TAF3: variants seen among roughly 807,000 people sequenced by gnomAD.
TAF3 encodes transcription initiation factor TFIID subunit 3.
In TAF3, 7 loss-of-function variants were observed where a neutral mutation model predicts 80.6. The observed-to-expected ratio is 0.09, with a 90% CI of 0.05 to 0.16. The LOEUF (loss-of-function observed/expected upper bound fraction) is 0.16. Among genes scored for constraint, TAF3 ranks in the 10% least tolerant of loss-of-function variants. The pLI is 1.00. For missense variants in TAF3, 921 were observed against 1,140.2 expected, an observed-to-expected ratio of 0.81 and a Z score of 2.77; for synonymous variants, 444 against 446.1, an observed-to-expected ratio of 1.00 and a Z score of 0.06.
chr10:7,922,586 G>T (rs2026397), intron 2 of TAF3, among the ~76,000 whole-genome samples: 83,654 of 151,838 alleles, frequency 0.55, 24,366 homozygotes, highest in East Asian at 0.71. Context: ...GACATGTTGA[G>T]ATGACTGCCT....
chr10:7,942,738 C>T (rs1287245264), intron 2 of TAF3, among the ~76,000 whole-genome samples: 5 of 152,072 alleles, frequency 3.3e-5, no homozygotes, highest in South Asian at 2.1e-4. Flanking sequence ...GCAGCCGAGG[C>T]GTGTGGGCAC....
chr10:7,986,685 C>T (rs1447001012), intron 4 of TAF3, among the ~76,000 whole-genome samples: 1 of 152,156 alleles, frequency 6.6e-6, no homozygotes, highest in Non-Finnish European at 1.5e-5. Flanking sequence ...GCTGTCTCCT[C>T]CTTGTCTAGA....
At chr10:8,011,096 C>T (rs1159508086) in intron 5 of TAF3, among the ~76,000 whole-genome samples, 1 of 152,110 alleles carries the variant, frequency 6.6e-6, no homozygotes, top group African/African-American at 2.4e-5. Flanking sequence ...GGAGCCATTG[C>T]CATTGCTGTG....
intron 2 of TAF3, among the ~76,000 whole-genome samples, chr10:7,865,395 T>A (rs971880540): frequency 6.6e-6 from 1 of 151,812 alleles, no homozygotes; most frequent in Admixed American, 6.6e-5. Context: ...AGGAGAATGG[T>A]GTGAACCCGG....
At chr10:7,826,411 T>C (rs1836741457) in intron 2 of TAF3, among the ~76,000 whole-genome samples, 1 of 152,130 alleles carries the variant, frequency 6.6e-6, no homozygotes, top group East Asian at 1.9e-4. Flanking sequence ...TTAGATTAGG[T>C]AGTGAAGAAG....
chr10:7,989,396 A>C (rs942637059), intron 4 of TAF3, among the ~76,000 whole-genome samples: 18 of 152,222 alleles, frequency 1.2e-4, no homozygotes, highest in African/African-American at 3.9e-4. Flanking sequence ...TGGTATGCTG[A>C]ATGCTGGAAG....
chr10:8,007,767 A>G (rs1832011092), intron 4 of TAF3, among the ~76,000 whole-genome samples: 1 of 151,752 alleles, frequency 6.6e-6, no homozygotes, highest in Non-Finnish European at 1.5e-5. Flanking sequence ...TGATGTTCTC[A>G]TAAGGACTGG....
intron 2 of TAF3, among the ~76,000 whole-genome samples, chr10:7,892,867 G>C (rs1837469238): frequency 6.7e-6 from 1 of 149,980 alleles, no homozygotes; most frequent in African/African-American, 2.5e-5. Flanking sequence ...GCCCAGGCTG[G>C]AGTGCAATGG....
chr10:7,926,841 T>C (rs183762253), intron 2 of TAF3, among the ~76,000 whole-genome samples: 1 of 152,340 alleles, frequency 6.6e-6, no homozygotes, highest in East Asian at 1.9e-4. Context: ...TAATCATGGG[T>C]AAATTTACTT....
chr10:8,011,451 G>T (rs566836566), intron 5 of TAF3, among the ~76,000 whole-genome samples: 3 of 151,880 alleles, frequency 2.0e-5, no homozygotes, highest in Non-Finnish European at 4.4e-5. Context: ...TTTGTTTTTG[G>T]TTTTTGTGGA....
chr10:8,013,949 T>A, intron 6 of TAF3, 112 bp downstream of exon 6: 2 of 853,872 alleles, frequency 2.3e-6, no homozygotes, highest in Non-Finnish European at 3.9e-6. Context: ...AGGGCTGTCC[T>A]AGGGACAGTA....
intron 2 of TAF3, among the ~76,000 whole-genome samples, chr10:7,916,000 T>C (rs1208155322): frequency 1.3e-5 from 2 of 150,794 alleles, no homozygotes; most frequent in South Asian, 2.1e-4. Flanking sequence ...AAAAAAACCA[T>C]GTAGTTTTTA....
At chr10:7,916,811 ACAATGGTGCTTTT>A (rs1837715619) in intron 2 of TAF3, among the ~76,000 whole-genome samples, 1 of 152,212 alleles carries the variant, frequency 6.6e-6, no homozygotes, top group Non-Finnish European at 1.5e-5. Flanking sequence ...TCTTCTTTCA[ACAATGGTGCTTTT>A]CAATTTACTT....
At chr10:7,930,937 A>G (rs566119166) in intron 2 of TAF3, among the ~76,000 whole-genome samples, 2 of 152,264 alleles carry the variant, frequency 1.3e-5, no homozygotes, top group East Asian at 3.9e-4. Flanking sequence ...AAGTCCCACA[A>G]GTTTGTCTTT....
intron 2 of TAF3, among the ~76,000 whole-genome samples, chr10:7,956,387 T>A (rs1838136330): frequency 1.3e-5 from 2 of 152,098 alleles, no homozygotes; most frequent in Admixed American, 6.5e-5. Context: ...CTCGGGAGGC[T>A]GAGGCAGGAG....
intron 5 of TAF3, 105 bp from the exon 6 acceptor site, chr10:8,013,626 C>A: frequency 1.3e-6 from 1 of 795,284 alleles, no homozygotes; most frequent in Admixed American, 2.3e-5. Context: ...GTTTAATATG[C>A]CTGTTTATTC....
At chr10:7,915,132 G>A (rs10905247) in intron 2 of TAF3, among the ~76,000 whole-genome samples, 52,745 of 150,140 alleles carry the variant, frequency 0.35, 10,400 homozygotes, top group Admixed American at 0.48. Flanking sequence ...AGTAGAGACG[G>A]GGTTTCACCA....
chr10:7,869,845 G>T (rs1289361516), intron 2 of TAF3, among the ~76,000 whole-genome samples: 1 of 152,112 alleles, frequency 6.6e-6, no homozygotes, highest in Non-Finnish European at 1.5e-5. Context: ...GATTACCAAT[G>T]AATATATTTA....
intron 4 of TAF3, among the ~76,000 whole-genome samples, chr10:7,994,628 C>G (rs1216096331): frequency 1.3e-5 from 2 of 152,068 alleles, no homozygotes; most frequent in African/African-American, 4.8e-5. Flanking sequence ...GGATTACAGA[C>G]TGAACCACTG....
Sources: allele counts gnomAD v4.1 joint callset (sites outside exome capture counted in the v4.1 genomes callset), GRCh38; gene constraint gnomAD v4.1.1; transcripts MANE v1.5; gene names NCBI Gene and HGNC (gene_info 2026-07-23, HGNC 2026-07-21).